The following FOXN3 variants were observed in gnomAD, a reference collection of about 807,000 sequenced individuals.
FOXN3 encodes forkhead box protein N3.
Under a neutral mutation model 38.4 loss-of-function variants are expected in FOXN3, and 7 were observed. The ratio of observed to expected loss-of-function variants is 0.18; its 90% CI spans 0.10 to 0.34. The LOEUF (loss-of-function observed/expected upper bound fraction) is 0.34. FOXN3 is among the 10% of genes least tolerant of loss of function. The pLI is 1.00. For synonymous variants in FOXN3, 230 were observed against 242.2 expected (o/e 0.95, Z 0.47); for missense variants, 456 against 613.4 (o/e 0.74, Z 2.71).
At chr14:89,480,252 A>C (rs1233890245) in intron 1 of FOXN3, among the ~76,000 whole-genome samples, 2 of 152,062 alleles carry the variant, frequency 1.3e-5, no homozygotes, top group Non-Finnish European at 2.9e-5. Flanking sequence ...AATACAAAAA[A>C]ATTAGCCAGG....
intron 3 of FOXN3, among the ~76,000 whole-genome samples, chr14:89,329,802 G>A (rs1888185608): frequency 7.2e-6 from 1 of 138,558 alleles, no homozygotes; most frequent in South Asian, 2.4e-4. Context: ...CTTGCAGTGA[G>A]CCGAGATCGT....
rs1018979005 is a variant in FOXN3 at position 89,156,309 on chromosome 14, G to A, written c.*6105C>T. On this transcript the variant is annotated 3_prime_UTR_variant, in exon 6 of 6. Coordinates refer to ENST00000557258, the MANE Select transcript of FOXN3 (RefSeq NM_005197.4). ...TGAAATAGTTTGTCTTTGGCAATAT[G>A]ATTACATACGAAGAATGCAAAATGC... The A allele has an allele frequency of 9.8e-5, 15 of 152,616 alleles. No homozygotes were observed. Among genetic ancestry groups the A allele is most frequent in the African/African-American group, 3.6e-4 (15 of 41,424 alleles). The allele number at this position is 152,616 out of a possible 1,614,324, so 9.5% of individuals were successfully genotyped here.
intron 1 of FOXN3, among the ~76,000 whole-genome samples, chr14:89,523,457 T>C (rs971655497): frequency 1.3e-5 from 2 of 152,212 alleles, no homozygotes; most frequent in Admixed American, 1.3e-4. Flanking sequence ...CCATAAAACA[T>C]GTATCAATAA....
intron 2 of FOXN3, among the ~76,000 whole-genome samples, chr14:89,382,184 C>T (rs972125189): frequency 1.3e-5 from 2 of 152,144 alleles, no homozygotes; most frequent in East Asian, 3.9e-4. Flanking sequence ...CAGCTATCAT[C>T]AGAGCCTGTG....
At chr14:89,348,367 G>A (rs566851337) in intron 3 of FOXN3, among the ~76,000 whole-genome samples, 1 of 152,282 alleles carries the variant, frequency 6.6e-6, no homozygotes, top group South Asian at 2.1e-4. Context: ...CAAGTGGCCT[G>A]ATGGCTTAGA....
At chr14:89,276,172 G>A (rs1016009770) in intron 4 of FOXN3, among the ~76,000 whole-genome samples, 9 of 152,108 alleles carry the variant, frequency 5.9e-5, no homozygotes, top group Admixed American at 2.0e-4. Context: ...CCAGCTACTT[G>A]GAAGGCTGAG....
At chr14:89,613,971 C>T (rs1419241037) in intron 1 of FOXN3, among the ~76,000 whole-genome samples, 2 of 152,182 alleles carry the variant, frequency 1.3e-5, no homozygotes, top group Non-Finnish European at 2.9e-5. Flanking sequence ...TGCCTGCCAC[C>T]CCTAGAAATC....
In FOXN3 at chr14:89,163,666, C is replaced by T. The variant is rs571320536; in HGVS notation, c.852-697G>A. Among the ~76,000 whole-genome samples, 18 of 152,284 alleles carry T rather than the reference C, an allele frequency of 1.2e-4. No homozygotes were observed. The South Asian group carries it at 3.5e-3, about 30-fold the overall frequency. On this transcript the variant is annotated intron_variant, in intron 5 of 5. Transcript: ENST00000557258. The surrounding 1 kb of genome is among the most constrained non-coding windows in gnomAD (Gnocchi z 4.3). The stretch of plus-strand genomic sequence containing the variant: ...CCAGAGGGCAATAAACTACGACTTC[C>T]CGAACTCAACACCTGCCAGGCGCTC...
chr14:89,511,247 T>TTTTCTTTCTTTCTTTCTTTCTTTC (rs869191500), intron 1 of FOXN3, among the ~76,000 whole-genome samples: 1 of 11,270 alleles, frequency 8.9e-5, no homozygotes, highest in Non-Finnish European at 4.8e-4. Context: ...CTTTTCTTTC[T>TTTTCTTTCTTTCTTTCTTTCTTTC]TTTCTTTCTT....
chr14:89,180,682 C>T lies in FOXN3; in HGVS notation c.851+19G>A. ...TCCCACTCCCCAGGCTGGCTCTGCC[C>T]AGCGCACTCCCCACTTACCTCATGG... On this transcript the variant is annotated intron_variant, in intron 5 of 5. Transcript: ENST00000557258. The T allele has an allele frequency of 6.3e-7, 1 of 1,577,486 alleles. No individual in the cohort carries two copies. Among genetic ancestry groups the T allele is most frequent in the Non-Finnish European group, 8.6e-7 (1 of 1,157,258 alleles).
intron 3 of FOXN3, among the ~76,000 whole-genome samples, chr14:89,325,147 T>C (rs1012723348): frequency 2.0e-5 from 3 of 152,060 alleles, no homozygotes; most frequent in Non-Finnish European, 4.4e-5. Context: ...CTTCCACCAC[T>C]GCAGAAAGTT....
chr14:89,528,376 C>CTTTTTTTTTTTTT lies in FOXN3; in HGVS notation c.-15+90639_-15+90651dup, dbSNP rs55935162. 4.9e-4 allele frequency among the ~76,000 whole-genome samples: 26 copies of CTTTTTTTTTTTTT among 53,576 alleles called. 3 individuals carry two copies. Among genetic ancestry groups the CTTTTTTTTTTTTT allele is most frequent in the African/African-American group, 4.5e-4 (7 of 15,566 alleles). 35.1% of individuals were successfully genotyped at this position (53,576 alleles called of 152,430 possible). On this transcript the variant is annotated intron_variant, in intron 1 of 6. Transcript: ENST00000345097. ...TCATCCATACTCAACATGGATGAAT[C>CTTTTTTTTTTTTT]TTTTTTTTTTTTTTTTTTTTTTTTT...
At chr14:89,586,661 G>A (rs763462104) in intron 1 of FOXN3, among the ~76,000 whole-genome samples, 5 of 152,200 alleles carry the variant, frequency 3.3e-5, no homozygotes, top group Admixed American at 6.5e-5. Context: ...GCTTACCCCA[G>A]TGCAGGGGAT....
chr14:89,341,267 T>G (rs769494244), intron 3 of FOXN3, among the ~76,000 whole-genome samples: 2 of 152,210 alleles, frequency 1.3e-5, no homozygotes, highest in African/African-American at 2.4e-5. Flanking sequence ...CACTGTCAGA[T>G]GCTGTTCTGT....
chr14:89,489,967 G>C (rs996530994), intron 1 of FOXN3, among the ~76,000 whole-genome samples: 4 of 152,238 alleles, frequency 2.6e-5, no homozygotes, highest in African/African-American at 7.2e-5. Context: ...CACAGGAGCT[G>C]TGTCTGATAC....
At position 89,511,229 on chromosome 14, in the gene FOXN3, T is replaced by TCC. The variant is rs1566681154; in HGVS notation, c.-14-98740_-14-98739insGG. 2.7e-4 allele frequency among the ~76,000 whole-genome samples: 6 copies of TCC among 22,194 alleles called. 1 individual carries two copies. The highest frequency in any genetic ancestry group is 7.8e-4 in the Non-Finnish European group (3 of 3,834). 14.6% of individuals were successfully genotyped at this position (22,194 alleles called of 152,430 possible). Reference sequence around the variant, plus strand: ...TTTCTTTCTTTCTTTCTTTCTTTCTTTTCTTTCCTTTTCTTTCTTTTCTTT... The same window carrying TCC: ...TTTCTTTCTTTCTTTCTTTCTTTCTTCCTTCTTTCCTTTTCTTTCTTTTCTTT... On this transcript the variant is annotated intron_variant, in intron 1 of 6. Transcript: ENST00000345097.
At chr14:89,518,947 G>A (rs1894264209) in intron 1 of FOXN3, among the ~76,000 whole-genome samples, 1 of 152,130 alleles carries the variant, frequency 6.6e-6, no homozygotes. Context: ...CCCGGGAGGT[G>A]GAGGTTGCGG....
rs1442436127 is a variant in FOXN3, at chr14:89,362,315, G to C, written c.544-11507C>G. Reference sequence around the variant, plus strand: ...TCCACCACCACCACCACCACCTCCAGCACCACCTCTACCACCACCACCTCC... The same window carrying C: ...TCCACCACCACCACCACCACCTCCACCACCACCTCTACCACCACCACCTCC... On this transcript the variant is annotated intron_variant, in intron 2 of 5. Coordinates refer to ENST00000557258, the MANE Select transcript of FOXN3 (RefSeq NM_005197.4). Among the ~76,000 whole-genome samples the C allele has an allele frequency of 7.5e-3, 6 of 804 alleles. 1 individual carries two copies. The highest frequency in any genetic ancestry group is 0.2 in the Non-Finnish European group (2 of 10). The allele number at this position is 804 out of a possible 152,430, so 0.5% of individuals were successfully genotyped here.
At chr14:89,312,284 CAAAA>C (rs59949946) in intron 3 of FOXN3, among the ~76,000 whole-genome samples, 1 of 60,600 alleles carries the variant, frequency 1.7e-5, no homozygotes, top group Non-Finnish European at 2.8e-5. Context: ...GACTCGGTCT[CAAAA>C]AAAAAAAAAA....
Sources: gnomAD v4.1 joint callset for allele counts (sites outside exome capture counted in the v4.1 genomes callset) on GRCh38, gnomAD v4.1.1 for gene constraint, Gnocchi (gnomAD v3.1) non-coding constraint, MANE v1.5 for transcripts, NCBI Gene and HGNC (gene_info 2026-07-23, HGNC 2026-07-21) for gene names.